DPP6: variants seen among roughly 807,000 people sequenced by gnomAD.
DPP6 encodes A-type potassium channel modulatory protein DPP6.
Under a neutral mutation model 122.6 loss-of-function variants are expected in DPP6, and 69 were observed. That is an observed-to-expected ratio of 0.56 (90% CI 0.46 to 0.69). The LOEUF (loss-of-function observed/expected upper bound fraction) is 0.69, where lower values mean the gene tolerates loss of function less well. DPP6 is among the 30% of genes least tolerant of loss of function. The probability of loss-of-function intolerance (pLI) is 0.00; values close to 1 mark genes in which losing one functional copy is unlikely to be tolerated. For synonymous variants in DPP6, 418 were observed against 433.1 expected, an observed-to-expected ratio of 0.97 and a Z score of 0.43; for missense variants, 928 against 1,116.9, an observed-to-expected ratio of 0.83 and a Z score of 2.41.
chr7:154,099,137 GC>G (rs1805550236), intron 1 of DPP6, among the ~76,000 whole-genome samples: 1 of 152,176 alleles, frequency 6.6e-6, no homozygotes, highest in Admixed American at 6.5e-5. Context: ...AAGGATAGGG[GC>G]TCATATGACT....
At chr7:153,936,548 T>G (rs1220358209) in intron 1 of DPP6, among the ~76,000 whole-genome samples, 2 of 152,050 alleles carry the variant, frequency 1.3e-5, no homozygotes, top group Non-Finnish European at 2.9e-5. Context: ...GGCTCATGCC[T>G]GTAATCCCAG....
rs377384204 is a variant in DPP6 at position 154,693,540 on chromosome 7, C to T, written c.762+24099C>T. Among the ~76,000 whole-genome samples, 50 of 152,224 alleles carry T rather than the reference C, an allele frequency of 3.3e-4. 1 individual carries two copies. Among genetic ancestry groups the T allele is most frequent in the African/African-American group, 1.2e-3 (49 of 41,538 alleles). ...GCTCCCTGCTGAACTCAGAGATGTCCTCATTCAGCCGAGCCAGCCTCCCAG... is the reference window on the plus strand; with the variant it reads ...GCTCCCTGCTGAACTCAGAGATGTCTTCATTCAGCCGAGCCAGCCTCCCAG... On this transcript the variant is annotated intron_variant, in intron 7 of 25. Coordinates refer to ENST00000377770, the MANE Select transcript of DPP6 (RefSeq NM_130797.4).
At chr7:154,258,878 G>T (rs1352510869) in intron 1 of DPP6, among the ~76,000 whole-genome samples, 2 of 152,194 alleles carry the variant, frequency 1.3e-5, no homozygotes, top group Non-Finnish European at 2.9e-5. Context: ...CGGTAGCATA[G>T]TTTCACACAA....
intron 1 of DPP6, among the ~76,000 whole-genome samples, chr7:154,116,168 A>C (rs1349925460): frequency 6.6e-6 from 1 of 151,992 alleles, no homozygotes; most frequent in Non-Finnish European, 1.5e-5. Flanking sequence ...CATAAAATTA[A>C]GTCTAGGACT....
At chr7:154,845,403 G>C (rs1801866557) in intron 16 of DPP6, among the ~76,000 whole-genome samples, 1 of 152,156 alleles carries the variant, frequency 6.6e-6, no homozygotes, top group Non-Finnish European at 1.5e-5. Context: ...GCAGCAACGT[G>C]GTAAGAAACA....
intron 17 of DPP6, among the ~76,000 whole-genome samples, chr7:154,866,791 C>T (rs948179324): frequency 6.6e-6 from 1 of 152,112 alleles, no homozygotes; most frequent in Admixed American, 6.5e-5. Context: ...ATTTTATGTA[C>T]TCGTCACAAG....
chr7:154,707,816 C>T (rs905536209), intron 7 of DPP6, among the ~76,000 whole-genome samples: 3 of 152,124 alleles, frequency 2.0e-5, no homozygotes, highest in African/African-American at 4.8e-5. Flanking sequence ...AATGAAAGCA[C>T]GTCCTACATA....
chr7:153,944,909 A>G (rs1801877370), intron 1 of DPP6, among the ~76,000 whole-genome samples: 1 of 152,132 alleles, frequency 6.6e-6, no homozygotes, highest in Non-Finnish European at 1.5e-5. Flanking sequence ...CTGCAGACAC[A>G]GGAACTGTCT....
At chr7:154,052,169 C>A (rs1330574393), upstream of DPP6, among the ~76,000 whole-genome samples, 1 of 151,488 alleles carries the variant, frequency 6.6e-6, no homozygotes, top group Non-Finnish European at 1.5e-5. The surrounding 1 kb of genome is among the most constrained non-coding windows in gnomAD (Gnocchi z 4.8). Flanking sequence ...TCCCGGGACT[C>A]CCCCACCGCC....
intron 7 of DPP6, among the ~76,000 whole-genome samples, chr7:154,693,585 C>A (rs1458074343): frequency 6.6e-6 from 1 of 152,134 alleles, no homozygotes; most frequent in Non-Finnish European, 1.5e-5. Context: ...AGGCCCCTGG[C>A]TGGTGCCACT....
At position 153,967,173 on chromosome 7, in the gene DPP6, C is replaced by A. The variant is rs1795789523; in HGVS notation, c.51+79439C>A. On this transcript the variant is annotated intron_variant, in intron 1 of 25. Coordinates refer to the DPP6 transcript ENST00000404039. ...GTGAGGGGAAATGTTAGAGTGTGGT[C>A]AGGGTTCATCCTGCCTGCATGACAC... Among the ~76,000 whole-genome samples the A allele has an allele frequency of 2.0e-5, 3 of 152,038 alleles. No individual in the cohort carries two copies. In the South Asian group the frequency reaches 6.2e-4, roughly 32 times the overall value.
chr7:153,802,025 G>A, the DPP6 span, among the ~76,000 whole-genome samples: 3 of 152,226 alleles, frequency 2.0e-5, no homozygotes, highest in Admixed American at 2.0e-4. Flanking sequence ...AATGAAAAGT[G>A]TAAGTGACTT....
intron 10 of DPP6, among the ~76,000 whole-genome samples, chr7:154,782,849 T>C (rs1261823020): frequency 6.6e-6 from 1 of 152,092 alleles, no homozygotes; most frequent in Non-Finnish European, 1.5e-5. Flanking sequence ...AGTGGCATGA[T>C]CTCGGCTCAC....
chr7:154,338,520 AAAG>A (rs796482674), intron 1 of DPP6, among the ~76,000 whole-genome samples: 16 of 152,322 alleles, frequency 1.1e-4, no homozygotes, highest in East Asian at 1.9e-4. Flanking sequence ...AAAAGAAAGA[AAAG>A]AAGAAGAACC....
chr7:154,727,821 A>G lies in DPP6; in HGVS notation c.817A>G (p.Ile273Val). The G allele has an allele frequency of 2.5e-6, 4 of 1,613,966 alleles. No homozygotes were observed. The highest frequency in any genetic ancestry group is 3.4e-6 in the Non-Finnish European group (4 of 1,179,860). Residue 273 changes from isoleucine (I) to valine (V), a missense_variant, in exon 8 of 26, where the codon ATC (isoleucine) becomes GTC (valine). Physicochemically the swap from Ile to Val is conservative, Grantham distance 29 (BLOSUM62 3). Coordinates refer to ENST00000377770, the MANE Select transcript of DPP6 (RefSeq NM_130797.4). The stretch of plus-strand genomic sequence containing the variant: ...CTGTGCACATGTCGGGAAACAGGCC[A>G]TCCGTGTGGTCTCCACTGGCAAGGA... ...YYCAHVGKQA[I>V]RVVSTGKEGV...
chr7:154,514,871 G>A (rs1826365278), intron 3 of DPP6, among the ~76,000 whole-genome samples: 1 of 152,170 alleles, frequency 6.6e-6, no homozygotes, highest in South Asian at 2.1e-4. Context: ...ATCTGTTCGA[G>A]TCTCTGTTTT....
chr7:154,534,007 A>AC (rs1412964067), intron 3 of DPP6, among the ~76,000 whole-genome samples: 1 of 151,952 alleles, frequency 6.6e-6, no homozygotes, highest in Non-Finnish European at 1.5e-5. Context: ...CAAAAAAAAA[A>AC]AATCAATACT....
At chr7:154,122,777 C>T (rs1487747260) in intron 1 of DPP6, among the ~76,000 whole-genome samples, 1 of 152,292 alleles carries the variant, frequency 6.6e-6, no homozygotes, top group Non-Finnish European at 1.5e-5. Flanking sequence ...CATGGAGCCT[C>T]GAGACCCCTC....
At chr7:154,430,313 T>C (rs1391997821) in intron 1 of DPP6, among the ~76,000 whole-genome samples, 1 of 152,186 alleles carries the variant, frequency 6.6e-6, no homozygotes, top group Non-Finnish European at 1.5e-5. Context: ...CTTGCATCAG[T>C]CAATTCAGGC....
Sources: allele counts gnomAD v4.1 joint callset (sites outside exome capture counted in the v4.1 genomes callset), GRCh38; gene constraint gnomAD v4.1.1; non-coding constraint Gnocchi (gnomAD v3.1); transcripts MANE v1.5; gene names NCBI Gene and HGNC (gene_info 2026-07-23, HGNC 2026-07-21).